PPP2R2A: variants seen among roughly 807,000 people sequenced by gnomAD.
PPP2R2A encodes serine/threonine-protein phosphatase 2A 55 kDa regulatory subunit B alpha isoform.
A neutral mutation model predicts 53.2 loss-of-function variants in PPP2R2A; 9 were observed. That is an observed-to-expected ratio of 0.17 (90% CI 0.10 to 0.30). The LOEUF is 0.30. Ranked by LOEUF, PPP2R2A falls within the 10% of genes least tolerant of loss-of-function variation. PPP2R2A has a pLI of 1.00. For synonymous variants in PPP2R2A, 169 were observed against 174.2 expected, an observed-to-expected ratio of 0.97 and a Z score of 0.23; for missense variants, 235 against 534.6, an observed-to-expected ratio of 0.44 and a Z score of 5.53.
chr8:26,307,144 A>G (rs1479540964), intron 2 of PPP2R2A, among the ~76,000 whole-genome samples: 4 of 152,218 alleles, frequency 2.6e-5, no homozygotes, highest in Non-Finnish European at 2.9e-5. Context: ...GATTAAAACC[A>G]TACAGATTTC....
chr8:26,335,022 A>C lies in PPP2R2A; in HGVS notation c.83-3868A>C, dbSNP rs1447799904. 2.6e-5 allele frequency among the ~76,000 whole-genome samples: 4 copies of C among 152,152 alleles called. No homozygotes were observed. In the East Asian group the frequency reaches 7.7e-4, roughly 29 times the overall value. ...AAAAGCAGCGATGTTTGTATGGCAC[A>C]CTGGGATACACAGCCGAGGATGCTT... On this transcript the variant is annotated intron_variant, in intron 2 of 9. Transcript: ENST00000380737.
At chr8:26,331,973 G>T (rs1803400841) in intron 2 of PPP2R2A, among the ~76,000 whole-genome samples, 1 of 152,180 alleles carries the variant, frequency 6.6e-6, no homozygotes, top group South Asian at 2.1e-4. Context: ...GGAAATAACA[G>T]AATAGGGTTT....
intron 1 of PPP2R2A, chr8:26,293,204 G>GTGA (rs1563277330): frequency 1.3e-6 from 2 of 1,531,954 alleles, no homozygotes; most frequent in Admixed American, 3.9e-5. Flanking sequence ...GTGCACTTTG[G>GTGA]TGATAAGGTT....
chr8:26,322,184 G>T (rs1419071287), intron 2 of PPP2R2A, among the ~76,000 whole-genome samples: 1 of 152,204 alleles, frequency 6.6e-6, no homozygotes, highest in East Asian at 1.9e-4. Flanking sequence ...AGAGCAGGAA[G>T]GAGTTCTTAA....
chr8:26,299,948 ACTT>A (rs1179662068), intron 2 of PPP2R2A, among the ~76,000 whole-genome samples: 2 of 152,276 alleles, frequency 1.3e-5, no homozygotes, highest in Admixed American at 6.5e-5. Flanking sequence ...GACATGTGAC[ACTT>A]CTTTTTCTTA....
chr8:26,327,328 A>G (rs1254003361), intron 2 of PPP2R2A, among the ~76,000 whole-genome samples: 1 of 152,216 alleles, frequency 6.6e-6, no homozygotes, highest in African/African-American at 2.4e-5. Flanking sequence ...GCCTCAGGTT[A>G]CAGGAATAAA....
intron 2 of PPP2R2A, among the ~76,000 whole-genome samples, chr8:26,334,931 G>A (rs1803579872): frequency 6.6e-6 from 1 of 152,168 alleles, no homozygotes; most frequent in South Asian, 2.1e-4. Flanking sequence ...TTTGGGTGTA[G>A]CATGAAATGG....
In PPP2R2A at chr8:26,331,491, T is replaced by C. The variant is rs982228783; in HGVS notation, c.83-7399T>C. 7.2e-5 allele frequency among the ~76,000 whole-genome samples: 11 copies of C among 152,348 alleles called. No individual in the cohort carries two copies. The East Asian group carries it at 2.1e-3, about 29-fold the overall frequency. On this transcript the variant is annotated intron_variant, in intron 2 of 9. Transcript: ENST00000380737. ...GGTACTTTTTCTGAATGCCTTTGTTTATGTAGTCTTAGTGTTCTTTGTTAG... is the reference window on the plus strand; with the variant it reads ...GGTACTTTTTCTGAATGCCTTTGTTCATGTAGTCTTAGTGTTCTTTGTTAG...
chr8:26,296,977 C>T (rs941834260), intron 2 of PPP2R2A, among the ~76,000 whole-genome samples: 3 of 152,142 alleles, frequency 2.0e-5, no homozygotes, highest in Non-Finnish European at 4.4e-5. Flanking sequence ...TAGTGTATGT[C>T]ACTGGGGATA....
At chr8:26,331,713 C>T (rs995572655) in intron 2 of PPP2R2A, among the ~76,000 whole-genome samples, 4 of 152,142 alleles carry the variant, frequency 2.6e-5, no homozygotes, top group Non-Finnish European at 4.4e-5. Flanking sequence ...TTTGTAGATA[C>T]GTGCTCTTTA....
At chr8:26,329,522 C>G (rs1008087261) in intron 2 of PPP2R2A, among the ~76,000 whole-genome samples, 3 of 152,258 alleles carry the variant, frequency 2.0e-5, no homozygotes, top group South Asian at 2.1e-4. Flanking sequence ...CCCCCTTTTC[C>G]TATTGAATTC....
At position 26,372,234 on chromosome 8, in the gene PPP2R2A, T is replaced by C. The variant is rs1361394223; in HGVS notation, c.*1821T>C. 3 of 152,214 alleles carry C rather than the reference T, an allele frequency of 2.0e-5. No homozygotes were observed. The highest frequency in any genetic ancestry group is 7.2e-5 in the African/African-American group (3 of 41,450). 9.4% of individuals were successfully genotyped at this position (152,214 alleles called of 1,614,324 possible). ...TCTTAATGGCACTTTTACTAATTTA[T>C]TTGGGGATCTTGGGTACATTCTTAA... On this transcript the variant is annotated 3_prime_UTR_variant, in exon 10 of 10. Transcript: ENST00000380737.
At chr8:26,312,978 T>G (rs906367061) in intron 2 of PPP2R2A, among the ~76,000 whole-genome samples, 1 of 152,128 alleles carries the variant, frequency 6.6e-6, no homozygotes, top group Admixed American at 6.5e-5. Context: ...GTCCTCATCT[T>G]GATCCACTTT....
chr8:26,371,267 T>C lies in PPP2R2A; in HGVS notation c.*854T>C, dbSNP rs1805655226. ...TAATTATTTTTAACAAGTGTTCTTTTACATGCAGGAGGAGAGGTATTGGTT... is the reference window on the plus strand; with the variant it reads ...TAATTATTTTTAACAAGTGTTCTTTCACATGCAGGAGGAGAGGTATTGGTT... On this transcript the variant is annotated 3_prime_UTR_variant, in exon 10 of 10. Transcript: ENST00000380737. 1 of 152,184 alleles carries C rather than the reference T, an allele frequency of 6.6e-6. No homozygotes were observed. Among genetic ancestry groups the C allele is most frequent in the Admixed American group, 6.5e-5 (1 of 15,272 alleles). The allele number at this position is 152,184 out of a possible 1,614,324, so 9.4% of individuals were successfully genotyped here.
intron 3 of PPP2R2A, among the ~76,000 whole-genome samples, chr8:26,346,439 C>T (rs1804220741): frequency 6.6e-6 from 1 of 152,152 alleles, no homozygotes; most frequent in South Asian, 2.1e-4. Context: ...CCACACCCAG[C>T]TGGTTATTAC....
chr8:26,317,222 A>G (rs1802607671), intron 2 of PPP2R2A, among the ~76,000 whole-genome samples: 1 of 152,208 alleles, frequency 6.6e-6, no homozygotes, highest in African/African-American at 2.4e-5. Context: ...TTATTCTGAA[A>G]TAGACCTTCC....
intron 1 of PPP2R2A, chr8:26,293,104 A>G: frequency 1.3e-6 from 1 of 763,814 alleles, no homozygotes; most frequent in South Asian, 2.0e-5. Context: ...TCTCTTTAGC[A>G]GCATTCATTT....
chr8:26,363,373 G>A (rs1805215423), intron 7 of PPP2R2A: 2 of 189,116 alleles, frequency 1.1e-5, no homozygotes, highest in Non-Finnish European at 2.2e-5. Flanking sequence ...GATGGGCGAG[G>A]ATGGTGTGTT....
chr8:26,304,948 A>G (rs908737622), intron 2 of PPP2R2A, among the ~76,000 whole-genome samples: 3 of 152,176 alleles, frequency 2.0e-5, no homozygotes, highest in African/African-American at 7.2e-5. Context: ...ATAACATTAA[A>G]TTTACCATCT....
Sources: gnomAD v4.1 joint callset for allele counts (sites outside exome capture counted in the v4.1 genomes callset) on GRCh38, gnomAD v4.1.1 for gene constraint, MANE v1.5 for transcripts, NCBI Gene and HGNC (gene_info 2026-07-23, HGNC 2026-07-21) for gene names.